DPP10: variants seen among roughly 807,000 people sequenced by gnomAD.
DPP10 encodes dipeptidyl peptidase like 10, also known as inactive dipeptidyl peptidase 10.
A neutral mutation model predicts 120.9 loss-of-function variants in DPP10; 33 were observed. That is an observed-to-expected ratio of 0.27 (90% CI 0.21 to 0.37). The LOEUF (loss-of-function observed/expected upper bound fraction) is 0.37. Among genes scored for constraint, DPP10 ranks in the 10% least tolerant of loss-of-function variants. The pLI is 1.00. For synonymous variants in DPP10, 337 were observed against 326.1 expected (o/e 1.03, Z -0.36); for missense variants, 816 against 942.8 (o/e 0.87, Z 1.76).
chr2:115,551,572 A>C (rs2079875657), intron 5 of DPP10, among the ~76,000 whole-genome samples: 1 of 152,018 alleles, frequency 6.6e-6, no homozygotes, highest in African/African-American at 2.4e-5. Flanking sequence ...GCTCATGTTG[A>C]TTTTTCTTAC....
intron 2 of DPP10, among the ~76,000 whole-genome samples, chr2:115,334,487 T>C (rs1281373432): frequency 6.6e-6 from 1 of 151,616 alleles, no homozygotes; most frequent in Non-Finnish European, 1.5e-5. Context: ...GAACTATAGA[T>C]TATTATTTTT....
chr2:115,712,797 T>A (rs563887785), intron 7 of DPP10, among the ~76,000 whole-genome samples: 1 of 151,798 alleles, frequency 6.6e-6, no homozygotes, highest in African/African-American at 2.4e-5. Context: ...TGTTATGTAA[T>A]ACAAGCCTAC....
At chr2:115,205,686 A>G (rs1392216982) in intron 1 of DPP10, among the ~76,000 whole-genome samples, 1 of 152,152 alleles carries the variant, frequency 6.6e-6, no homozygotes, top group Non-Finnish European at 1.5e-5. Flanking sequence ...ACCATAGAAT[A>G]TTATGCGGCC....
intron 1 of DPP10, among the ~76,000 whole-genome samples, chr2:115,073,730 C>A (rs543720131): frequency 2.0e-5 from 3 of 152,282 alleles, no homozygotes; most frequent in African/African-American, 7.2e-5. Flanking sequence ...TTTCCTCACT[C>A]TATAAAGTAG....
chr2:114,515,314 G>A (rs1262514352), intron 1 of DPP10, among the ~76,000 whole-genome samples: 2 of 152,100 alleles, frequency 1.3e-5, no homozygotes, highest in East Asian at 1.9e-4. Flanking sequence ...AAGTCCAGAC[G>A]TCTAATATAC....
At chr2:114,604,944 A>C (rs1692667801) in intron 1 of DPP10, among the ~76,000 whole-genome samples, 1 of 152,106 alleles carries the variant, frequency 6.6e-6, no homozygotes, top group South Asian at 2.1e-4. Context: ...AATTTGTTGG[A>C]AAGACTCAGA....
intron 1 of DPP10, among the ~76,000 whole-genome samples, chr2:114,977,889 A>G (rs1334681600): frequency 7.8e-6 from 1 of 127,436 alleles, no homozygotes; most frequent in East Asian, 2.2e-4. Context: ...GTTTATATTT[A>G]TTTGCTGATG....
intron 11 of DPP10, among the ~76,000 whole-genome samples, chr2:115,761,051 C>T (rs528621290): frequency 2.8e-5 from 4 of 145,070 alleles, no homozygotes; most frequent in South Asian, 2.2e-4. Flanking sequence ...GAGCCGAGAT[C>T]GGGCCACTGC....
chr2:114,696,644 CAGTT>C (rs1282927377), intron 1 of DPP10, among the ~76,000 whole-genome samples: 2 of 151,850 alleles, frequency 1.3e-5, no homozygotes, highest in East Asian at 1.9e-4. Flanking sequence ...AAAATTAAGT[CAGTT>C]TGTTTGGTGC....
chr2:115,231,373 C>T (rs1340040292), intron 1 of DPP10, among the ~76,000 whole-genome samples: 1 of 152,020 alleles, frequency 6.6e-6, no homozygotes, highest in Non-Finnish European at 1.5e-5. Context: ...TGCTAATGAA[C>T]ATTTACAAAT....
intron 1 of DPP10, among the ~76,000 whole-genome samples, chr2:115,007,220 T>A (rs533536132): frequency 2.4e-3 from 367 of 152,224 alleles, no homozygotes; most frequent in African/African-American, 8.3e-3. Context: ...AAAAAGCTTA[T>A]CCACCATGAT....
At chr2:114,880,123 G>A (rs10168420) in intron 1 of DPP10, among the ~76,000 whole-genome samples, 1,545 of 152,242 alleles carry the variant, frequency 0.01, 24 homozygotes, top group African/African-American at 0.036. Flanking sequence ...AATAATTGAG[G>A]CTGTGAAATT....
chr2:114,673,027 C>T (rs1698445824), intron 1 of DPP10, among the ~76,000 whole-genome samples: 1 of 152,110 alleles, frequency 6.6e-6, no homozygotes, highest in African/African-American at 2.4e-5. Context: ...GAATTCTTAG[C>T]CATCTGCTTC....
chr2:115,345,406 T>C (rs969562317), intron 3 of DPP10, among the ~76,000 whole-genome samples: 1 of 152,188 alleles, frequency 6.6e-6, no homozygotes, highest in Non-Finnish European at 1.5e-5. Flanking sequence ...AAATCTCTCA[T>C]AAATAATTCT....
chr2:115,310,046 G>A (rs1377412981), intron 2 of DPP10, among the ~76,000 whole-genome samples: 2 of 152,012 alleles, frequency 1.3e-5, no homozygotes, highest in East Asian at 3.9e-4. Flanking sequence ...CAGAGATAAA[G>A]GGATCACTTT....
chr2:115,270,530 G>A (rs78601440), intron 1 of DPP10, among the ~76,000 whole-genome samples: 11 of 152,230 alleles, frequency 7.2e-5, no homozygotes, highest in African/African-American at 2.4e-4. Context: ...CATGACTCTG[G>A]TGTTGACATT....
chr2:114,489,904 CTG>C (rs1485359100), intron 1 of DPP10, among the ~76,000 whole-genome samples: 2 of 152,214 alleles, frequency 1.3e-5, no homozygotes, highest in African/African-American at 2.4e-5. Flanking sequence ...GTTCTCTCAA[CTG>C]TGAACTGGGC....
intron 5 of DPP10, among the ~76,000 whole-genome samples, chr2:115,534,308 T>G (rs1340065896): frequency 6.6e-6 from 1 of 151,932 alleles, no homozygotes; most frequent in Non-Finnish European, 1.5e-5. Flanking sequence ...CCCCTTCCTG[T>G]GTCCATGTGA....
intron 5 of DPP10, among the ~76,000 whole-genome samples, chr2:115,594,677 C>T (rs1278706375): frequency 2.6e-5 from 4 of 152,048 alleles, no homozygotes; most frequent in Admixed American, 2.6e-4. Context: ...TCTATGAACT[C>T]CCCATAAGAA....
Sources: gnomAD v4.1 joint callset for allele counts (sites outside exome capture counted in the v4.1 genomes callset) on GRCh38, gnomAD v4.1.1 for gene constraint, MANE v1.5 for transcripts, NCBI Gene and HGNC (gene_info 2026-07-23, HGNC 2026-07-21) for gene names.